ATG7: variants seen among roughly 807,000 people sequenced by gnomAD.
ATG7 encodes autophagy related 7.
Under a neutral mutation model 82.4 loss-of-function variants are expected in ATG7, and 70 were observed. The observed-to-expected ratio is 0.85, with a 90% CI of 0.70 to 1.04. The LOEUF (loss-of-function observed/expected upper bound fraction) is 1.04. Ranked by LOEUF, ATG7 falls within the 50% of genes least tolerant of loss-of-function variation. The pLI, the probability that ATG7 is intolerant of heterozygous loss-of-function variation, is 0.00. For synonymous variants in ATG7, 287 were observed against 313.0 expected (o/e 0.92, Z 0.88); for missense variants, 792 against 864.3 (o/e 0.92, Z 1.05).
At chr3:11,527,388 C>A (rs563418268) in intron 20 of ATG7, among the ~76,000 whole-genome samples, 1 of 152,188 alleles carries the variant, frequency 6.6e-6, no homozygotes, top group East Asian at 1.9e-4. Flanking sequence ...CATGAGCCAC[C>A]ACGCCTGGCC....
chr3:11,542,709 C>T (rs929411321), intron 20 of ATG7, among the ~76,000 whole-genome samples: 20 of 152,210 alleles, frequency 1.3e-4, no homozygotes, highest in Admixed American at 5.9e-4. Context: ...TTTAAGATGA[C>T]AGTCCCCTGG....
At position 11,510,784 on chromosome 3, in the gene ATG7, C is replaced by T. The variant is rs191545607; in HGVS notation, c.2080-44027C>T. Among the ~76,000 whole-genome samples the T allele has an allele frequency of 3.0e-4, 46 of 152,278 alleles. 1 individual carries two copies. Among genetic ancestry groups the T allele is most frequent in the East Asian group, 3.9e-4 (2 of 5,182 alleles). On this transcript the variant is annotated intron_variant, in intron 20 of 20. Coordinates refer to ENST00000693202, the MANE Select transcript of ATG7 (RefSeq NM_001349232.2). ...CAGACTTCCAGGCTTGGGGTAGAAT[C>T]GATAGCTTAAAAGATAAATGTTTAC...
intron 7 of ATG7, among the ~76,000 whole-genome samples, 190 bp from the exon 8 acceptor site, chr3:11,313,114 A>G (rs916961932): frequency 1.3e-5 from 2 of 152,308 alleles, no homozygotes; most frequent in Non-Finnish European, 2.9e-5. Flanking sequence ...ATATGAGACT[A>G]TTTTGGGAAT....
chr3:11,338,112 C>T (rs982050892), intron 11 of ATG7, among the ~76,000 whole-genome samples: 1 of 152,154 alleles, frequency 6.6e-6, no homozygotes, highest in African/African-American at 2.4e-5. Context: ...CTCCTCCCAC[C>T]CTTCACCCTC....
In ATG7 at chr3:11,347,932, A is replaced by T. The variant is rs1450476368; in HGVS notation, c.1181A>T (p.Asn394Ile). 6.2e-7 allele frequency: 1 copy of T among 1,613,956 alleles called. No individual in the cohort carries two copies. The highest frequency in any genetic ancestry group is 1.3e-5 in the African/African-American group (1 of 74,892). The change falls in exon 14 of 21, where the codon AAT becomes ATT. Residue 394 changes from asparagine (N) to isoleucine (I), a missense_variant. Asn to Ile is a moderately radical substitution (Grantham distance 149, BLOSUM62 -3). Transcript: ENST00000693202. The part of the protein sequence containing the change: ...FVDNAKISYS[N>I]PVRQPLYEFE... ...GACAATGCCAAGATCTCCTACTCCA[A>T]TCCTGTGAGGCAGCCTCTCTATGAG... is the stretch of plus-strand genomic sequence containing the variant.
intron 19 of ATG7, among the ~76,000 whole-genome samples, chr3:11,426,271 A>G (rs376367189): frequency 6.6e-6 from 1 of 152,334 alleles, no homozygotes; most frequent in African/African-American, 2.4e-5. Context: ...CAGTTTTCAT[A>G]TCAACTACTC....
intron 19 of ATG7, among the ~76,000 whole-genome samples, chr3:11,382,963 A>C (rs2078029053): frequency 6.6e-6 from 1 of 152,056 alleles, no homozygotes; most frequent in African/African-American, 2.4e-5. Context: ...TTTTCTTGAA[A>C]TTTTGAGAGT....
chr3:11,336,058 T>C (rs973761672), intron 11 of ATG7, among the ~76,000 whole-genome samples: 37 of 145,280 alleles, frequency 2.5e-4, no homozygotes, highest in Non-Finnish European at 3.9e-4. Context: ...TTTTTTTTTT[T>C]TGAGACAGTC....
At chr3:11,378,941 GT>G (rs926487719) in intron 18 of ATG7, among the ~76,000 whole-genome samples, 1 of 152,064 alleles carries the variant, frequency 6.6e-6, no homozygotes, top group African/African-American at 2.4e-5. Context: ...CTTCTGTTCT[GT>G]TCAAGTGAGA....
Position 11,364,714 on chromosome 3 carries a change from C to G in ATG7, c.1855C>G (p.Leu619Val), listed in dbSNP as rs758488104. 3.1e-6 allele frequency: 5 copies of G among 1,614,192 alleles called. No individual in the cohort carries two copies. Among genetic ancestry groups the G allele is most frequent in the Non-Finnish European group, 4.2e-6 (5 of 1,180,022 alleles). ...DDRMNEPPTS[L>V]GLVPHQIRGF... ...TCGGATGAATGAGCCTCCAACCTCT[C>G]TTGGGCTTGTGCCTCACCAGGTTAG... The change falls in exon 18 of 21, where the codon CTT becomes GTT. Residue 619 changes from leucine (L) to valine (V), a missense_variant. Physicochemically the swap from Leu to Val is conservative, Grantham distance 32 (BLOSUM62 1). Coordinates refer to ENST00000693202, the MANE Select transcript of ATG7 (RefSeq NM_001349232.2).
At chr3:11,313,784 G>C (rs1013101244) in intron 8 of ATG7, among the ~76,000 whole-genome samples, 3 of 152,064 alleles carry the variant, frequency 2.0e-5, no homozygotes, top group African/African-American at 7.2e-5. Flanking sequence ...TCTTTTAATA[G>C]ATATGGGGTT....
At chr3:11,279,331 T>C (rs1942553793) in intron 1 of ATG7, among the ~76,000 whole-genome samples, 1 of 152,220 alleles carries the variant, frequency 6.6e-6, no homozygotes, top group African/African-American at 2.4e-5. Flanking sequence ...AGGGCCCCTG[T>C]TGAGAATCTA....
Position 11,380,816 on chromosome 3 carries a change from C to A in ATG7, c.1956+764C>A, listed in dbSNP as rs114350997. On this transcript the variant is annotated intron_variant, in intron 19 of 20. Transcript: ENST00000693202. Reference sequence around the variant, plus strand: ...AAATAATGTTGGTGACCACTAATCCCCAACTGTGGCTTCTCAGTTACAATT... The same window carrying A: ...AAATAATGTTGGTGACCACTAATCCACAACTGTGGCTTCTCAGTTACAATT... 3.3e-5 allele frequency among the ~76,000 whole-genome samples: 5 copies of A among 152,246 alleles called. No homozygotes were observed. In the East Asian group the frequency reaches 9.6e-4, roughly 29 times the overall value.
At chr3:11,511,995 A>G (rs1450748830) in intron 20 of ATG7, among the ~76,000 whole-genome samples, 1 of 152,100 alleles carries the variant, frequency 6.6e-6, no homozygotes, top group Non-Finnish European at 1.5e-5. Context: ...ACCTCCCTGC[A>G]AGCTGAGGGA....
chr3:11,313,222 C>T, intron 7 of ATG7, 82 bp from the exon 8 acceptor site: 2 of 864,934 alleles, frequency 2.3e-6, no homozygotes, highest in South Asian at 2.0e-5. Flanking sequence ...CTTAATTGGC[C>T]TTGAGAAGCT....
chr3:11,549,987 C>T (rs1401257497), intron 20 of ATG7, among the ~76,000 whole-genome samples: 6 of 152,182 alleles, frequency 3.9e-5, no homozygotes, highest in African/African-American at 9.7e-5. Flanking sequence ...GCAAACTGCA[C>T]GTCTTTTCTT....
chr3:11,492,057 C>T (rs1191389796), intron 20 of ATG7, among the ~76,000 whole-genome samples: 2 of 152,190 alleles, frequency 1.3e-5, no homozygotes, highest in African/African-American at 2.4e-5. Context: ...GCCCCTCCCC[C>T]AGCCTCGCTG....
intron 15 of ATG7, among the ~76,000 whole-genome samples, chr3:11,359,633 C>T (rs1008280461): frequency 6.6e-6 from 1 of 151,812 alleles, no homozygotes; most frequent in Non-Finnish European, 1.5e-5. Context: ...GAGGTTGAGG[C>T]TGCAGTGAAC....
intron 20 of ATG7, among the ~76,000 whole-genome samples, chr3:11,469,449 CAAAA>C (rs370033434): frequency 5.0e-5 from 7 of 140,474 alleles, no homozygotes; most frequent in Non-Finnish European, 7.8e-5. Flanking sequence ...AACTCCACCT[CAAAA>C]AAAAAAAAGT....
Sources: gnomAD v4.1 joint callset for allele counts (sites outside exome capture counted in the v4.1 genomes callset) on GRCh38, gnomAD v4.1.1 for gene constraint, MANE v1.5 for transcripts, NCBI Gene and HGNC (gene_info 2026-07-23, HGNC 2026-07-21) for gene names.